MINDY2: variants seen among roughly 807,000 people sequenced by gnomAD.
MINDY2 encodes the protein ubiquitin carboxyl-terminal hydrolase MINDY-2.
In MINDY2, 52 loss-of-function variants were observed where a neutral mutation model predicts 68.2. The ratio of observed to expected loss-of-function variants is 0.76; its 90% CI spans 0.61 to 0.96. The LOEUF (loss-of-function observed/expected upper bound fraction) is 0.96. MINDY2 is among the 40% of genes least tolerant of loss of function. The pLI is 0.00. For synonymous variants in MINDY2, 372 were observed against 303.0 expected (o/e 1.23, Z -2.36); for missense variants, 881 against 773.4 (o/e 1.14, Z -1.65).
intron 1 of MINDY2, among the ~76,000 whole-genome samples, chr15:58,784,774 C>T (rs1342650807): frequency 6.6e-6 from 1 of 151,806 alleles, no homozygotes; most frequent in East Asian, 1.9e-4. Context: ...CACGTGCCAC[C>T]ACACCTGGCT....
rs1201905730 is a variant in MINDY2, at chr15:58,810,319, T to C, written c.1053T>C (p.Tyr351=). 1 of 1,613,844 alleles carries C rather than the reference T, an allele frequency of 6.2e-7. No homozygotes were observed. The highest frequency in any genetic ancestry group is 1.7e-4 in the Middle Eastern group (1 of 6,060). The change falls in exon 4 of 9, where the codon TAT becomes TAC. Residue 351 remains tyrosine (Y), a synonymous_variant. Transcript: ENST00000559228. ...TCACTGGTGTTCGAGTGTTTGAATA[T>C]ACACCAGAATGCATAGTATTTGATC... ...VRFTGVRVFE[Y]TPECIVFDLL...
At chr15:58,791,622 A>ATGTGTGTGTG (rs368688031) in intron 2 of MINDY2, among the ~76,000 whole-genome samples, 2,207 of 136,668 alleles carry the variant, frequency 0.016, 44 homozygotes, top group East Asian at 0.038. Flanking sequence ...GTCTCAAAAT[A>ATGTGTGTGTG]TGTGTGTGTG....
At position 58,854,502 on chromosome 15, in the gene MINDY2, C is replaced by G. The variant is rs2032986990; in HGVS notation, c.1758C>G (p.Ala586=). 1 of 1,613,506 alleles carries G rather than the reference C, an allele frequency of 6.2e-7. No individual in the cohort carries two copies. The highest frequency in any genetic ancestry group is 8.5e-7 in the Non-Finnish European group (1 of 1,179,790). The change falls in exon 9 of 9, where the codon GCC becomes GCG. Residue 586 remains alanine (A), a synonymous_variant. Transcript: ENST00000559228. The part of the protein sequence containing the change: ...TQAQQGQPAQ[A]SPSSGRQSGN... ...TAAAGCAGGGCCAGCCAGCACAAGC[C>G]TCTCCATCAAGTGGAAGACAATCTG...
chr15:58,834,629 T>C (rs1200195131), intron 6 of MINDY2, among the ~76,000 whole-genome samples: 6 of 152,170 alleles, frequency 3.9e-5, no homozygotes, highest in Non-Finnish European at 5.9e-5. Flanking sequence ...CTAGCTGTTA[T>C]TGGCTACATC....
intron 4 of MINDY2, among the ~76,000 whole-genome samples, chr15:58,821,075 A>G (rs888920608): frequency 6.6e-6 from 1 of 151,694 alleles, no homozygotes; most frequent in Non-Finnish European, 1.5e-5. Context: ...TTATTTTCCT[A>G]TAGCTTAAAA....
chr15:58,795,505 C>T (rs768881618), intron 2 of MINDY2, among the ~76,000 whole-genome samples: 6 of 152,046 alleles, frequency 3.9e-5, no homozygotes, highest in African/African-American at 9.7e-5. Context: ...TTCGGGTTCA[C>T]GCCGTTCTCC....
At chr15:58,806,484 A>G (rs1903019919) in intron 3 of MINDY2, among the ~76,000 whole-genome samples, 1 of 151,746 alleles carries the variant, frequency 6.6e-6, no homozygotes, top group Non-Finnish European at 1.5e-5. Flanking sequence ...CAGCCTCCCA[A>G]AGTGCTGGGA....
At chr15:58,784,768 T>A (rs1267059416) in intron 1 of MINDY2, among the ~76,000 whole-genome samples, 3 of 151,830 alleles carry the variant, frequency 2.0e-5, no homozygotes, top group Non-Finnish European at 4.4e-5. Flanking sequence ...TACAGGCACG[T>A]GCCACCACAC....
At chr15:58,809,658 T>C (rs2030082500) in intron 3 of MINDY2, among the ~76,000 whole-genome samples, 1 of 152,260 alleles carries the variant, frequency 6.6e-6, no homozygotes, top group African/African-American at 2.4e-5. Flanking sequence ...CCTTCATTTC[T>C]ATTACTCTCT....
intron 1 of MINDY2, among the ~76,000 whole-genome samples, chr15:58,777,453 C>T (rs1158466763): frequency 6.6e-6 from 1 of 152,050 alleles, no homozygotes. Flanking sequence ...TTCAGAACTG[C>T]TAGAGAGTAG....
chr15:58,834,820 GTAAGAATACCCT>G (rs2031914842), intron 6 of MINDY2, among the ~76,000 whole-genome samples: 1 of 152,140 alleles, frequency 6.6e-6, no homozygotes. Flanking sequence ...GTTTGCTTAT[GTAAGAATACCCT>G]TAAAGCCGTT....
At position 58,851,760 on chromosome 15, in the gene MINDY2, T is replaced by G. The variant is rs1469521463; in HGVS notation, c.1543-11T>G. On this transcript the variant is annotated splice_polypyrimidine_tract_variant and intron_variant, in intron 7 of 8. Transcript: ENST00000559228. ...CTCATAGCTAATGATGGTTATAATTTAATTTATTAGGATTATCTTATGGCA... is the reference window on the plus strand; with the variant it reads ...CTCATAGCTAATGATGGTTATAATTGAATTTATTAGGATTATCTTATGGCA... 2.6e-6 allele frequency: 4 copies of G among 1,546,094 alleles called. 1 individual carries two copies. In the South Asian group the frequency reaches 5.0e-5, roughly 19 times the overall value.
chr15:58,803,835 G>A (rs765594881), intron 3 of MINDY2, among the ~76,000 whole-genome samples: 8 of 151,208 alleles, frequency 5.3e-5, no homozygotes, highest in Non-Finnish European at 8.8e-5. Flanking sequence ...GAGGCCGGGC[G>A]TGGTGGCTCA....
intron 4 of MINDY2, among the ~76,000 whole-genome samples, chr15:58,813,453 G>A (rs1595740626): frequency 6.6e-6 from 1 of 152,178 alleles, no homozygotes; most frequent in African/African-American, 2.4e-5. Context: ...CCAAGATCGT[G>A]CCACTTCTCT....
In MINDY2 at chr15:58,847,358, A is replaced by G. The variant is rs750303322; in HGVS notation, c.1430A>G (p.Glu477Gly). The G allele has an allele frequency of 2.5e-6, 4 of 1,603,866 alleles. No homozygotes were observed. In the Admixed American group the frequency reaches 5.0e-5, roughly 20 times the overall value. The change falls in exon 7 of 9, where the codon GAA (glutamate) becomes GGA (glycine). Residue 477 changes from glutamate (E) to glycine (G), a missense_variant. Glu to Gly is a moderately conservative substitution (Grantham distance 98, BLOSUM62 -2). Coordinates refer to ENST00000559228, the MANE Select transcript of MINDY2 (RefSeq NM_001040450.3). The part of the protein sequence containing the change: ...GFLTEEKVVW[E>G]SLHNVDGDGN... The stretch of plus-strand genomic sequence containing the variant: ...CTTACTGAAGAGAAAGTTGTTTGGG[A>G]AAGCCTACACAACGTAGATGGTGAT...
intron 6 of MINDY2, among the ~76,000 whole-genome samples, chr15:58,834,826 A>G (rs1752117684): frequency 6.6e-6 from 1 of 152,352 alleles, no homozygotes; most frequent in East Asian, 1.9e-4. Context: ...TTATGTAAGA[A>G]TACCCTTAAA....
intron 4 of MINDY2, among the ~76,000 whole-genome samples, chr15:58,815,957 C>T (rs988035351): frequency 2.6e-4 from 39 of 152,148 alleles, no homozygotes; most frequent in African/African-American, 7.7e-4. Flanking sequence ...GGATTACAGG[C>T]GTGAGCCACC....
chr15:58,803,630 A>G (rs950362954), intron 3 of MINDY2, among the ~76,000 whole-genome samples: 1 of 152,084 alleles, frequency 6.6e-6, no homozygotes, highest in Non-Finnish European at 1.5e-5. Context: ...CAGCTGTTCA[A>G]CATGGAAAAA....
At chr15:58,828,121 G>A (rs1222299736) in intron 5 of MINDY2, among the ~76,000 whole-genome samples, 14 of 150,744 alleles carry the variant, frequency 9.3e-5, no homozygotes, top group Middle Eastern at 6.8e-3. Flanking sequence ...TAGCGCCACT[G>A]CACTCCAGTC....
Sources: allele counts gnomAD v4.1 joint callset (sites outside exome capture counted in the v4.1 genomes callset), GRCh38; gene constraint gnomAD v4.1.1; transcripts MANE v1.5; gene names NCBI Gene and HGNC (gene_info 2026-07-23, HGNC 2026-07-21).